Variants in BUB1 observed in about 807,000 individuals in gnomAD.
The protein encoded by BUB1 is mitotic checkpoint serine/threonine-protein kinase BUB1.
In BUB1, 84 loss-of-function variants were observed where a neutral mutation model predicts 135.2. The ratio of observed to expected loss-of-function variants is 0.62; its 90% CI spans 0.52 to 0.74. The LOEUF (loss-of-function observed/expected upper bound fraction) is 0.74. Among genes scored for constraint, BUB1 ranks in the 30% least tolerant of loss-of-function variants. The probability of loss-of-function intolerance (pLI) is 0.00; values close to 1 mark genes in which losing one functional copy is unlikely to be tolerated. For synonymous variants in BUB1, 403 were observed against 434.4 expected (o/e 0.93, Z 0.90); for missense variants, 1,162 against 1,288.3 (o/e 0.90, Z 1.50).
Position 110,669,492 on chromosome 2 carries a change from T to G in BUB1, c.528A>C (p.Ser176=), listed in dbSNP as rs1307750307. ...QVLNQMITSK[S]NPGNNMACIS... ...TGCAGGCCATGTTATTTCCTGGATT[T>G]GATTTTGATGTTATCATTTGATTTA... is the stretch of plus-strand genomic sequence containing the variant. The change falls in exon 6 of 25, where the codon TCA becomes TCC. Residue 176 remains serine, a synonymous_variant. Transcript: ENST00000302759. 6.2e-7 allele frequency: 1 copy of G among 1,607,934 alleles called. No individual in the cohort carries two copies. Among genetic ancestry groups the G allele is most frequent in the South Asian group, 1.1e-5 (1 of 90,924 alleles).
intron 19 of BUB1, among the ~76,000 whole-genome samples, chr2:110,646,032 A>G (rs115861942): frequency 5.3e-5 from 8 of 152,118 alleles, no homozygotes; most frequent in Non-Finnish European, 1.0e-4. Context: ...ACACCCTTCC[A>G]TCAGAAATGG....
chr2:110,650,433 A>T, intron 18 of BUB1, 113 bp downstream of exon 18: 1 of 920,478 alleles, frequency 1.1e-6, no homozygotes, highest in South Asian at 1.6e-5. Flanking sequence ...GAACTCACTG[A>T]CATCTGTTCT....
rs1198597795 is a variant in BUB1, at chr2:110,667,660, G to C, written c.666C>G (p.His222Gln). The change falls in exon 8 of 25, where the codon CAC becomes CAG. Residue 222 changes from histidine (H) to glutamine (Q), a missense_variant. Transcript: ENST00000302759. Reference sequence around the variant, plus strand: ...CATCAACTTTGGATGCCAAAGATGAGTGCACAGAATATTCTGATTTAGAAA... The same window carrying C: ...CATCAACTTTGGATGCCAAAGATGACTGCACAGAATATTCTGATTTAGAAA... ...ITISKSEYSV[H>Q]SSLASKVDVE... The C allele has an allele frequency of 8.1e-6, 13 of 1,613,636 alleles. No individual in the cohort carries two copies. In the East Asian group the frequency reaches 1.1e-4, roughly 14 times the overall value.
chr2:110,678,001 G>C lies in BUB1; in HGVS notation c.-6C>G, dbSNP rs550972060. The C allele has an allele frequency of 1.2e-6, 2 of 1,606,268 alleles. No individual in the cohort carries two copies. The highest frequency in any genetic ancestry group is 2.7e-5 in the African/African-American group (2 of 74,774). On this transcript the variant is annotated 5_prime_UTR_variant, in exon 1 of 25. Coordinates refer to ENST00000302759, the MANE Select transcript of BUB1 (RefSeq NM_004336.5). The stretch of plus-strand genomic sequence containing the variant: ...ACATTTTCCGGGGTGTCCATGGCCA[G>C]AGGACGCTGGCCGGCAGCGGCCAAA...
At chr2:110,669,298 G>A (rs961988017) in intron 6 of BUB1, among the ~76,000 whole-genome samples, 155 bp downstream of exon 6, 1 of 152,176 alleles carries the variant, frequency 6.6e-6, no homozygotes, top group African/African-American at 2.4e-5. Flanking sequence ...AACAGGCCCA[G>A]GAAGTTGCCA....
At chr2:110,651,792 A>T (rs1228635002) in intron 17 of BUB1, among the ~76,000 whole-genome samples, 1 of 152,176 alleles carries the variant, frequency 6.6e-6, no homozygotes, top group African/African-American at 2.4e-5. Flanking sequence ...CTATGTTTAC[A>T]TACACAAATT....
At chr2:110,657,827 G>A (rs1689972967) in intron 13 of BUB1, among the ~76,000 whole-genome samples, 182 bp from the exon 14 acceptor site, 1 of 152,088 alleles carries the variant, frequency 6.6e-6, no homozygotes, top group Admixed American at 6.5e-5. Context: ...ATGGTAACAG[G>A]GTTTTGTACT....
At chr2:110,649,723 T>C (rs977532630) in intron 18 of BUB1, among the ~76,000 whole-genome samples, 8 of 152,114 alleles carry the variant, frequency 5.3e-5, no homozygotes, top group African/African-American at 1.9e-4. Context: ...GGACATTAGT[T>C]ACTTCTAATG....
rs539042190 is a variant in BUB1 at position 110,639,284 on chromosome 2, GA to G, written c.3062+457del. Among the ~76,000 whole-genome samples, 303 of 151,374 alleles carry G rather than the reference GA, an allele frequency of 2.0e-3. 2 individuals are homozygous for G. Among genetic ancestry groups the G allele is most frequent in the African/African-American group, 7.3e-3 (299 of 41,186 alleles). On this transcript the variant is annotated intron_variant, in intron 24 of 24. Transcript: ENST00000302759. Reference sequence around the variant, plus strand: ...AAACACAGGGCTAGGACTGTCCTGTGAGAGAGAGCTATTCATATTACTTTAT... The same window carrying G: ...AAACACAGGGCTAGGACTGTCCTGTGGAGAGAGCTATTCATATTACTTTAT...
intron 15 of BUB1, 91 bp downstream of exon 15, chr2:110,656,945 T>A: frequency 1.2e-6 from 1 of 864,700 alleles, no homozygotes; most frequent in Non-Finnish European, 1.8e-6. Context: ...TAGTTTCACA[T>A]ACACAATATC....
At chr2:110,649,744 G>C (rs759419019) in intron 18 of BUB1, among the ~76,000 whole-genome samples, 2 of 152,294 alleles carry the variant, frequency 1.3e-5, no homozygotes, top group Non-Finnish European at 2.9e-5. Flanking sequence ...TGCGCAGATA[G>C]ACACATATTA....
chr2:110,661,835 G>A lies in BUB1; in HGVS notation c.964C>T (p.Pro322Ser). The A allele has an allele frequency of 1.2e-6, 2 of 1,613,334 alleles. No individual in the cohort carries two copies. Among genetic ancestry groups the A allele is most frequent in the Non-Finnish European group, 1.7e-6 (2 of 1,179,670 alleles). The change falls in exon 10 of 25, where the codon CCA becomes TCA. Residue 322 changes from proline to serine, a missense_variant. By Grantham distance (74) the Pro-to-Ser change is moderately conservative (BLOSUM62 -1). Transcript: ENST00000302759. ...PASQERSEVN[P>S]ARMGPSVGSQ... ...CCTACACTTGGCCCCATACGTGCTG[G>A]ATTAACCTTTCATATTAAACAAACA...
At chr2:110,676,119 T>C (rs1295691862) in intron 1 of BUB1, among the ~76,000 whole-genome samples, 1 of 150,666 alleles carries the variant, frequency 6.6e-6, no homozygotes, top group Non-Finnish European at 1.5e-5. Context: ...AACCACAAAA[T>C]AGTCAAAAGA....
intron 1 of BUB1, chr2:110,676,728 G>A (rs991681390): frequency 1.3e-5 from 2 of 151,818 alleles, no homozygotes; most frequent in Non-Finnish European, 2.9e-5. Context: ...TTTTATGTGT[G>A]GTAAAGGCAA....
intron 19 of BUB1, among the ~76,000 whole-genome samples, chr2:110,644,400 C>A (rs1689588614): frequency 6.6e-6 from 1 of 150,862 alleles, no homozygotes; most frequent in Admixed American, 6.6e-5. Context: ...TTGCTTAAAC[C>A]CTGGAGGCGG....
At chr2:110,670,650 A>C (rs1459824433) in intron 4 of BUB1, 82 bp from the exon 5 acceptor site, 15 of 1,390,970 alleles carry the variant, frequency 1.1e-5, no homozygotes, top group African/African-American at 1.4e-5. Context: ...AATACCATAG[A>C]CAACTTATTA....
chr2:110,674,057 A>T, intron 3 of BUB1, 29 bp downstream of exon 3: 1 of 1,452,220 alleles, frequency 6.9e-7, no homozygotes, highest in Non-Finnish European at 9.5e-7. Context: ...ATGATTATAG[A>T]TTTGATTATA....
intron 17 of BUB1, 131 bp from the exon 18 acceptor site, chr2:110,650,915 T>A: frequency 1.2e-6 from 1 of 804,114 alleles, no homozygotes; most frequent in Non-Finnish European, 2.0e-6. Flanking sequence ...AAAAGTTGAT[T>A]AAAGCATTTT....
intron 3 of BUB1, among the ~76,000 whole-genome samples, chr2:110,673,438 G>A (rs1255934355): frequency 6.6e-6 from 1 of 152,204 alleles, no homozygotes; most frequent in African/African-American, 2.4e-5. Flanking sequence ...GCTTGCAACT[G>A]GCATTGTAAG....
Sources: allele counts gnomAD v4.1 joint callset (sites outside exome capture counted in the v4.1 genomes callset), GRCh38; gene constraint gnomAD v4.1.1; transcripts MANE v1.5; gene names NCBI Gene and HGNC (gene_info 2026-07-23, HGNC 2026-07-21).